The following PRR5L variants were observed in gnomAD, a reference collection of about 807,000 sequenced individuals.
PRR5L encodes the protein proline-rich protein 5-like.
A neutral mutation model predicts 36.4 loss-of-function variants in PRR5L; 21 were observed. The ratio of observed to expected loss-of-function variants is 0.58; its 90% CI spans 0.41 to 0.83. The LOEUF (loss-of-function observed/expected upper bound fraction) is 0.83. Among genes scored for constraint, PRR5L ranks in the 40% least tolerant of loss-of-function variants. PRR5L has a pLI of 0.00. For synonymous variants in PRR5L, 188 were observed against 197.0 expected, an observed-to-expected ratio of 0.95 and a Z score of 0.38; for missense variants, 381 against 473.3, an observed-to-expected ratio of 0.80 and a Z score of 1.81.
In PRR5L at chr11:36,384,598, A is replaced by G. The variant is rs150167298; in HGVS notation, c.-125-16399A>G. Reference sequence around the variant, plus strand: ...TATTCAATGCCTGTTATACCTGGCTATACTACCTGAGAAGAAATTTCCCTT... The same window carrying G: ...TATTCAATGCCTGTTATACCTGGCTGTACTACCTGAGAAGAAATTTCCCTT... On this transcript the variant is annotated intron_variant, in intron 1 of 8. Transcript: ENST00000530639. 9.2e-5 allele frequency among the ~76,000 whole-genome samples: 14 copies of G among 152,248 alleles called. No homozygotes were observed. In the East Asian group the frequency reaches 2.7e-3, roughly 29 times the overall value.
rs529863705 is a variant in PRR5L at position 36,387,415 on chromosome 11, A to T, written c.-125-13582A>T. ...CATGTACCCTAGAACTTAAAGTATA[A>T]AAAAAAAGAAATCGGTGATGGGCTG... On this transcript the variant is annotated intron_variant, in intron 1 of 8. Transcript: ENST00000530639. Among the ~76,000 whole-genome samples the T allele has an allele frequency of 6.4e-5, 9 of 141,640 alleles. No individual in the cohort carries two copies. In the South Asian group the frequency reaches 1.7e-3, roughly 26 times the overall value. The allele number at this position is 141,640 out of a possible 152,430, so 92.9% of individuals were successfully genotyped here.
At chr11:36,429,428 A>G (rs1185963366) in intron 4 of PRR5L, among the ~76,000 whole-genome samples, 5 of 152,164 alleles carry the variant, frequency 3.3e-5, no homozygotes, top group African/African-American at 9.7e-5. Flanking sequence ...TAACAAATGA[A>G]TGGTTTGAAT....
rs555545254 is a variant in PRR5L, at chr11:36,422,197, C to T, written c.294+2894C>T. On this transcript the variant is annotated intron_variant, in intron 4 of 8. Coordinates refer to ENST00000530639, the MANE Select transcript of PRR5L (RefSeq NM_001160167.2). ...AAATGGGCTGGTTTCAAACCATTCACTTTACAGAAGAAATCTCCATATAAG... is the reference window on the plus strand; with the variant it reads ...AAATGGGCTGGTTTCAAACCATTCATTTTACAGAAGAAATCTCCATATAAG... 3.3e-5 allele frequency among the ~76,000 whole-genome samples: 5 copies of T among 152,292 alleles called. No individual in the cohort carries two copies. The South Asian group carries it at 1.0e-3, about 32-fold the overall frequency.
rs59668248 is a variant in PRR5L at position 36,374,047 on chromosome 11, CTCCTTCCTTCCTTCCT to C, written c.-125-26905_-125-26890del. On this transcript the variant is annotated intron_variant, in intron 1 of 8. Coordinates refer to ENST00000530639, the MANE Select transcript of PRR5L (RefSeq NM_001160167.2). Reference sequence around the variant, plus strand: ...GTAAAAGACAGATAATAATTTTTTCCTCCTTCCTTCCTTCCTTCCTTCCTTCCTTCCTTCCTTCCTT... The same window carrying C: ...GTAAAAGACAGATAATAATTTTTTCCTCCTTCCTTCCTTCCTTCCTTCCTT... Among the ~76,000 whole-genome samples the C allele has an allele frequency of 8.4e-3, 984 of 117,820 alleles. 7 individuals carry two copies. Among genetic ancestry groups the C allele is most frequent in the South Asian group, 0.017 (55 of 3,260 alleles). The allele number at this position is 117,820 out of a possible 152,430, so 77.3% of individuals were successfully genotyped here. A position where few individuals can be genotyped will look rare whatever the true frequency, so the allele number is the denominator to read the frequency against.
intron 1 of PRR5L, among the ~76,000 whole-genome samples, chr11:36,349,527 C>T (rs1460487160): frequency 6.6e-6 from 1 of 151,998 alleles, no homozygotes; most frequent in Non-Finnish European, 1.5e-5. Context: ...TCCTTCTGGT[C>T]GATTGTTCAT....
intron 1 of PRR5L, among the ~76,000 whole-genome samples, chr11:36,381,897 A>C (rs1565430858): frequency 6.6e-6 from 1 of 151,952 alleles, no homozygotes; most frequent in Non-Finnish European, 1.5e-5. Context: ...GGTGGCTCAC[A>C]TCTGTAATCC....
Position 36,431,901 on chromosome 11 carries a change from C to T in PRR5L, c.343C>T (p.Leu115=), listed in dbSNP as rs1284225558. ...GLFFVEEKIK[L]CEGENRIEVL... is the part of the protein sequence containing the mutation. ...GTTCTTTGTGGAGGAGAAGATCAAG[C>T]TGTGTGAAGGCAAGTACAAGACAGC... The change falls in exon 5 of 9, where the codon CTG becomes TTG. Residue 115 remains leucine (L), a synonymous_variant. Transcript: ENST00000530639. The T allele has an allele frequency of 1.9e-6, 3 of 1,613,912 alleles. No homozygotes were observed. In the African/African-American group the frequency reaches 4.0e-5, roughly 22 times the overall value.
At chr11:36,380,386 C>G (rs909835642) in intron 1 of PRR5L, 4 of 151,918 alleles carry the variant, frequency 2.6e-5, no homozygotes, top group African/African-American at 9.7e-5. Flanking sequence ...CCTTCTGCTG[C>G]CCGGTGTTGG....
At chr11:36,433,765 G>A (rs1339715579) in intron 5 of PRR5L, among the ~76,000 whole-genome samples, 3 of 152,096 alleles carry the variant, frequency 2.0e-5, no homozygotes, top group East Asian at 1.9e-4. Context: ...GGCTGGTCTC[G>A]ACTCCTGACC....
chr11:36,315,779 G>A (rs759538534), intron 1 of PRR5L, among the ~76,000 whole-genome samples: 2 of 152,230 alleles, frequency 1.3e-5, no homozygotes, highest in African/African-American at 4.8e-5. Flanking sequence ...ATGTGATGTT[G>A]TAAAGGATAT....
chr11:36,407,712 A>G (rs1411347533), intron 3 of PRR5L, among the ~76,000 whole-genome samples: 1 of 152,366 alleles, frequency 6.6e-6, no homozygotes, highest in African/African-American at 2.4e-5. Flanking sequence ...CTGTAGGGTT[A>G]GTATGTACCT....
chr11:36,370,821 C>A (rs1565422295), intron 1 of PRR5L, among the ~76,000 whole-genome samples: 2 of 135,548 alleles, frequency 1.5e-5, no homozygotes, highest in Non-Finnish European at 1.5e-5. Flanking sequence ...GTGGAGGTTG[C>A]AGTGAGGCAA....
chr11:36,334,649 T>C (rs1488437909), intron 1 of PRR5L, among the ~76,000 whole-genome samples: 1 of 152,258 alleles, frequency 6.6e-6, no homozygotes, highest in African/African-American at 2.4e-5. Flanking sequence ...AGGCCTCCTT[T>C]TTGTTTTACA....
chr11:36,426,335 CACTT>C (rs199516400), intron 4 of PRR5L, among the ~76,000 whole-genome samples: 2 of 152,172 alleles, frequency 1.3e-5, no homozygotes, highest in East Asian at 3.8e-4. Context: ...TTTGTTAGAA[CACTT>C]ACTTTGTTAG....
At chr11:36,430,778 CTCAGGGAAATTAAATA>C (rs1858476830) in intron 4 of PRR5L, among the ~76,000 whole-genome samples, 1 of 152,166 alleles carries the variant, frequency 6.6e-6, no homozygotes, top group Admixed American at 6.5e-5. Flanking sequence ...GAGCTTGGGA[CTCAGGGAAATTAAATA>C]CAAAATCGCA....
intron 1 of PRR5L, among the ~76,000 whole-genome samples, chr11:36,372,149 A>C: frequency 6.6e-6 from 1 of 152,240 alleles, no homozygotes; most frequent in Non-Finnish European, 1.5e-5. Context: ...AGATGGAAGC[A>C]GTTAATCAGA....
chr11:36,437,131 A>T (rs1255796713), intron 5 of PRR5L, among the ~76,000 whole-genome samples: 2 of 152,166 alleles, frequency 1.3e-5, no homozygotes, highest in African/African-American at 4.8e-5. Flanking sequence ...GTAAGACCAG[A>T]GAGTTAGGAT....
chr11:36,400,922 AAAGTCCCAGCCAACTT>A (rs1857778715), intron 1 of PRR5L, 59 bp from the exon 2 acceptor site: 3 of 1,217,604 alleles, frequency 2.5e-6, no homozygotes, highest in Non-Finnish European at 3.2e-6. Flanking sequence ...GTTAGGCTGG[AAAGTCCCAGCCAACTT>A]CCTCTAAGAG....
intron 4 of PRR5L, among the ~76,000 whole-genome samples, chr11:36,424,642 C>G (rs77552122): frequency 0.011 from 1,716 of 152,278 alleles, 52 homozygotes; most frequent in East Asian, 0.09. Context: ...ATAAGGAGAA[C>G]AGAATTAATG....
Sources: gnomAD v4.1 joint callset for allele counts (sites outside exome capture counted in the v4.1 genomes callset) on GRCh38, gnomAD v4.1.1 for gene constraint, MANE v1.5 for transcripts, NCBI Gene and HGNC (gene_info 2026-07-23, HGNC 2026-07-21) for gene names.